The following GHR variants were observed in gnomAD, a reference collection of about 807,000 sequenced individuals.
The protein encoded by GHR is GH receptor.
A neutral mutation model predicts 67.1 loss-of-function variants in GHR; 35 were observed. The ratio of observed to expected loss-of-function variants is 0.52; its 90% confidence interval spans 0.40 to 0.69. GHR has a LOEUF of 0.69. Among genes scored for constraint, GHR ranks in the 30% least tolerant of loss-of-function variants. GHR has a pLI of 0.00. For synonymous variants in GHR, 272 were observed against 269.1 expected (o/e 1.01, Z -0.10); for missense variants, 792 against 764.6 (o/e 1.04, Z -0.42).
At chr5:42,658,715 G>T (rs1414945750) in intron 3 of GHR, among the ~76,000 whole-genome samples, 1 of 152,108 alleles carries the variant, frequency 6.6e-6, no homozygotes, top group Non-Finnish European at 1.5e-5. Context: ...AAGAGGGGGT[G>T]CTACTGGCAT....
chr5:42,670,294 G>T (rs532740972), intron 3 of GHR, among the ~76,000 whole-genome samples: 4 of 152,190 alleles, frequency 2.6e-5, no homozygotes, highest in South Asian at 2.1e-4. Flanking sequence ...TCAATAAATG[G>T]TGCTGAGAAA....
intron 1 of GHR, among the ~76,000 whole-genome samples, chr5:42,474,313 G>GAAAGAAAGAAAGAAAGAAAGAAAC: frequency 7.2e-6 from 1 of 138,462 alleles, no homozygotes; most frequent in Non-Finnish European, 1.6e-5. Context: ...AAGAAAGAAA[G>GAAAGAAAGAAAGAAAGAAAGAAAC]AAAGAAAGAA....
In GHR at chr5:42,673,655, G is replaced by A. The variant is rs760409752; in HGVS notation, c.137-15235G>A. 6.6e-5 allele frequency among the ~76,000 whole-genome samples: 10 copies of A among 152,198 alleles called. No homozygotes were observed. In the South Asian group the frequency reaches 1.4e-3, roughly 22 times the overall value. ...ATGCAGCTGGAGGCCATTATACTAA[G>A]TGAGGTAATACAGGAACAGAAAACC... is the stretch of plus-strand genomic sequence containing the variant. On this transcript the variant is annotated intron_variant, in intron 3 of 9. Coordinates refer to ENST00000230882, the MANE Select transcript of GHR (RefSeq NM_000163.5).
chr5:42,638,018 C>A (rs1436710248), intron 3 of GHR, among the ~76,000 whole-genome samples: 3 of 152,190 alleles, frequency 2.0e-5, no homozygotes, highest in Non-Finnish European at 4.4e-5. Flanking sequence ...CGGCTCACTG[C>A]ACTCTCCGCC....
At chr5:42,569,577 G>A (rs891399284) in intron 2 of GHR, among the ~76,000 whole-genome samples, 3 of 152,068 alleles carry the variant, frequency 2.0e-5, no homozygotes, top group Admixed American at 1.3e-4. Context: ...AGACAAAAGC[G>A]CTACCTGCAT....
chr5:42,477,234 G>T, intron 1 of GHR, among the ~76,000 whole-genome samples: 1 of 151,862 alleles, frequency 6.6e-6, no homozygotes. Flanking sequence ...TGGCTGCATA[G>T]TATTCCATGG....
At chr5:42,590,545 C>T (rs1751721889) in intron 2 of GHR, among the ~76,000 whole-genome samples, 1 of 152,170 alleles carries the variant, frequency 6.6e-6, no homozygotes, top group Non-Finnish European at 1.5e-5. Flanking sequence ...AAGCCACTAT[C>T]CCCTTAAAAG....
chr5:42,654,749 C>T (rs1381403565), intron 3 of GHR, among the ~76,000 whole-genome samples: 1 of 152,090 alleles, frequency 6.6e-6, no homozygotes, highest in Non-Finnish European at 1.5e-5. Context: ...ACAAGCTACC[C>T]CAGTGGTTTT....
intron 3 of GHR, among the ~76,000 whole-genome samples, chr5:42,660,571 T>G (rs1187271577): frequency 6.6e-6 from 1 of 152,050 alleles, no homozygotes; most frequent in Non-Finnish European, 1.5e-5. Context: ...GAAGGAAAAC[T>G]AACAAACAGA....
intron 7 of GHR, among the ~76,000 whole-genome samples, chr5:42,711,631 C>T (rs1024633333): frequency 2.6e-5 from 4 of 152,068 alleles, no homozygotes; most frequent in African/African-American, 9.7e-5. Flanking sequence ...TGGTGGCAAT[C>T]TCCGGATGGT....
At chr5:42,464,555 A>G (rs566331074) in intron 1 of GHR, among the ~76,000 whole-genome samples, 1 of 152,138 alleles carries the variant, frequency 6.6e-6, no homozygotes, top group Non-Finnish European at 1.5e-5. Flanking sequence ...GCAAGTGTGG[A>G]GCAGAGGAAA....
At chr5:42,665,226 G>A (rs1486545391) in intron 3 of GHR, among the ~76,000 whole-genome samples, 5 of 152,132 alleles carry the variant, frequency 3.3e-5, no homozygotes, top group Non-Finnish European at 7.4e-5. Flanking sequence ...AATACCATTT[G>A]ACCCAGCCAT....
chr5:42,522,888 G>A (rs1162033019), intron 1 of GHR, among the ~76,000 whole-genome samples: 2 of 152,138 alleles, frequency 1.3e-5, no homozygotes, highest in Admixed American at 6.5e-5. Flanking sequence ...AAAAGCATCA[G>A]GACCTATAAT....
chr5:42,462,888 A>C (rs1479114991), intron 1 of GHR, among the ~76,000 whole-genome samples: 1 of 152,200 alleles, frequency 6.6e-6, no homozygotes, highest in Admixed American at 6.5e-5. Context: ...TAATTATATT[A>C]AGATCTGAAT....
intron 2 of GHR, among the ~76,000 whole-genome samples, chr5:42,624,724 A>G (rs1300985801): frequency 2.0e-5 from 3 of 152,214 alleles, no homozygotes; most frequent in Non-Finnish European, 1.5e-5. Flanking sequence ...CATAGTTGTC[A>G]GTTATACAAA....
intron 1 of GHR, among the ~76,000 whole-genome samples, chr5:42,431,172 CATTA>C (rs1743076860): frequency 6.6e-6 from 1 of 152,136 alleles, no homozygotes; most frequent in African/African-American, 2.4e-5. Flanking sequence ...ATTCTCTCAT[CATTA>C]ATTTTTAATC....
chr5:42,538,028 T>A (rs759030958), intron 1 of GHR, among the ~76,000 whole-genome samples: 1 of 152,198 alleles, frequency 6.6e-6, no homozygotes, highest in Non-Finnish European at 1.5e-5. Flanking sequence ...TCCACCCCTT[T>A]ACTTTAAGTT....
At chr5:42,466,200 C>CT (rs921229108) in intron 1 of GHR, among the ~76,000 whole-genome samples, 50 of 152,172 alleles carry the variant, frequency 3.3e-4, no homozygotes, top group African/African-American at 1.2e-3. Context: ...TCCTTGAGGG[C>CT]TTGGCCATGC....
chr5:42,719,172 C>T lies in GHR; in HGVS notation c.1665C>T (p.His555=), dbSNP rs772907156. The T allele has an allele frequency of 1.1e-5, 18 of 1,614,056 alleles. No individual in the cohort carries two copies. The East Asian group carries it at 1.6e-4, about 14-fold the overall frequency. The change falls in exon 10 of 10, where the codon CAC becomes CAT. Residue 555 remains histidine, a synonymous_variant. Transcript: ENST00000230882. The part of the protein sequence containing the change: ...PVAPHIKVES[H]IQPSLNQEDI... Reference sequence around the variant, plus strand: ...CTCCTCACATCAAGGTTGAATCACACATACAGCCAAGCTTAAACCAAGAGG... The same window carrying T: ...CTCCTCACATCAAGGTTGAATCACATATACAGCCAAGCTTAAACCAAGAGG...
Sources: gnomAD v4.1 joint callset for allele counts (sites outside exome capture counted in the v4.1 genomes callset) on GRCh38, gnomAD v4.1.1 for gene constraint, MANE v1.5 for transcripts, NCBI Gene and HGNC (gene_info 2026-07-23, HGNC 2026-07-21) for gene names.